Variants in VPS13D observed in about 807,000 individuals in gnomAD.
VPS13D encodes the protein intermembrane lipid transfer protein VPS13D.
VPS13D carries 187 observed loss-of-function variants against 461.9 expected under a neutral mutation model. That is an observed-to-expected ratio of 0.40 (90% confidence interval 0.36 to 0.46). VPS13D has a LOEUF of 0.46. Among genes scored for constraint, VPS13D ranks in the 20% least tolerant of loss-of-function variants. The pLI is 0.60. For missense variants in VPS13D, 4,711 were observed against 5,364.9 expected (o/e 0.88, Z 3.81); for synonymous variants, 1,951 against 1,986.3 (o/e 0.98, Z 0.47).
At chr1:12,385,464 A>T in intron 59 of VPS13D, 91 bp downstream of exon 59, 1 of 1,007,386 alleles carries the variant, frequency 9.9e-7, no homozygotes, top group Non-Finnish European at 1.5e-6. Context: ...TTTTCTTTCT[A>T]TCCTGTATGA....
Position 12,345,387 on chromosome 1 carries a change from C to T in VPS13D, c.8899C>T (p.Leu2967Phe). 6.2e-7 allele frequency: 1 copy of T among 1,612,680 alleles called. No individual in the cohort carries two copies. Among genetic ancestry groups the T allele is most frequent in the South Asian group, 1.1e-5 (1 of 91,000 alleles). ...GKLRHRHTHD[L>F]RIHQLQVRVN... The stretch of plus-strand genomic sequence containing the variant: ...TCTGCCTGACAGACACACCCATGAC[C>T]TCCGGATTCATCAACTGCAAGTGAG... The change falls in exon 43 of 70, where the codon CTC (leucine) becomes TTC (phenylalanine). Residue 2967 changes from leucine (L) to phenylalanine (F), a missense_variant. By Grantham distance (22) the Leu-to-Phe change is conservative. Transcript: ENST00000620676.
chr1:12,463,629 C>T (rs1297197612), intron 67 of VPS13D, among the ~76,000 whole-genome samples: 2 of 151,654 alleles, frequency 1.3e-5, no homozygotes, highest in African/African-American at 2.4e-5. Context: ...GTGGTGTGCA[C>T]CTCTGGTCCT....
chr1:12,353,110 T>A (rs576431781), intron 46 of VPS13D, among the ~76,000 whole-genome samples: 1 of 151,574 alleles, frequency 6.6e-6, no homozygotes, highest in African/African-American at 2.4e-5. Context: ...ACCAATTGGC[T>A]ATCAAGAGGA....
intron 7 of VPS13D, among the ~76,000 whole-genome samples, chr1:12,254,288 G>A (rs762728566): frequency 1.6e-4 from 25 of 152,018 alleles, no homozygotes; most frequent in Non-Finnish European, 3.4e-4. Flanking sequence ...CAATCCTCCT[G>A]CTTTGGCCTC....
At chr1:12,381,919 T>TTCTTC in intron 57 of VPS13D, among the ~76,000 whole-genome samples, 1 of 88,768 alleles carries the variant, frequency 1.1e-5, no homozygotes. Context: ...TTTCTTTCTT[T>TTCTTC]TCTTTTCTTT....
intron 58 of VPS13D, 80 bp from the exon 59 acceptor site, chr1:12,385,180 C>A: frequency 1.8e-6 from 2 of 1,118,326 alleles, no homozygotes; most frequent in Non-Finnish European, 2.7e-6. Context: ...GACTTTTGAC[C>A]TACACAGTTG....
In VPS13D at chr1:12,233,146, C is replaced by T. The variant is rs138722126; in HGVS notation, c.-76-1045C>T. Among the ~76,000 whole-genome samples, 362 of 152,170 alleles carry T rather than the reference C, an allele frequency of 2.4e-3. 1 individual carries two copies. The highest frequency in any genetic ancestry group is 8.5e-3 in the African/African-American group (354 of 41,516). Reference sequence around the variant, plus strand: ...TCAGCCTCCCGAGTAGCTGGGATTACAGGTGCCTGCCACCATGCCTGGCTA... The same window carrying T: ...TCAGCCTCCCGAGTAGCTGGGATTATAGGTGCCTGCCACCATGCCTGGCTA... On this transcript the variant is annotated intron_variant, in intron 1 of 69. Transcript: ENST00000620676.
chr1:12,493,254 C>T (rs755057268), intron 67 of VPS13D, among the ~76,000 whole-genome samples: 5 of 150,900 alleles, frequency 3.3e-5, no homozygotes, highest in Non-Finnish European at 5.9e-5. Context: ...TTTGGGAGGC[C>T]GAGGCGGGTG....
At chr1:12,394,131 G>A (rs543057201) in intron 60 of VPS13D, among the ~76,000 whole-genome samples, 4 of 152,180 alleles carry the variant, frequency 2.6e-5, no homozygotes, top group Admixed American at 2.0e-4. Context: ...GCAATGTAGT[G>A]GGGTCCTTCC....
At chr1:12,486,272 C>T (rs1037658122) in intron 67 of VPS13D, among the ~76,000 whole-genome samples, 1 of 152,130 alleles carries the variant, frequency 6.6e-6, no homozygotes, top group Non-Finnish European at 1.5e-5. Flanking sequence ...ACCAGCTGGT[C>T]GGGAGGAAGA....
chr1:12,301,504 G>T (rs12568198), intron 25 of VPS13D, among the ~76,000 whole-genome samples: 2 of 152,170 alleles, frequency 1.3e-5, no homozygotes, highest in African/African-American at 4.8e-5. Flanking sequence ...GCGAGACCCC[G>T]CAGCGTCCCG....
rs550639080 is a variant in VPS13D, at chr1:12,456,078, T to C, written c.12414T>C (p.His4138=). The C allele has an allele frequency of 8.7e-6, 14 of 1,613,882 alleles. No homozygotes were observed. The highest frequency in any genetic ancestry group is 1.7e-5 in the Admixed American group (1 of 59,984). ...CAGAGCGGGAGTACATCAGGTACCA[T>C]GCAGCCACAAGTGGTGAACACCTTG... ...HQSEREYIRY[H]AATSGEHLVA... The change falls in exon 66 of 70, where the codon CAT becomes CAC. Residue 4138 remains histidine, a synonymous_variant. Transcript: ENST00000620676.
At chr1:12,374,563 T>C (rs79287885) in intron 55 of VPS13D, among the ~76,000 whole-genome samples, 5 of 152,206 alleles carry the variant, frequency 3.3e-5, no homozygotes, top group African/African-American at 1.2e-4. Context: ...GCTACTCTTT[T>C]TCTTTTTATA....
chr1:12,282,300 A>G (rs749008318), intron 20 of VPS13D, among the ~76,000 whole-genome samples: 4 of 152,200 alleles, frequency 2.6e-5, no homozygotes, highest in Non-Finnish European at 4.4e-5. Context: ...AGTACTAAAC[A>G]TTGGCTGTTA....
intron 5 of VPS13D, among the ~76,000 whole-genome samples, chr1:12,248,429 A>C (rs1375148183): frequency 1.3e-5 from 2 of 151,758 alleles, no homozygotes; most frequent in Non-Finnish European, 2.9e-5. Context: ...TGCAGCCTCC[A>C]TCTCATGGGC....
At chr1:12,508,635 G>A (rs1482215700) in intron 69 of VPS13D, among the ~76,000 whole-genome samples, 8 of 151,856 alleles carry the variant, frequency 5.3e-5, no homozygotes, top group South Asian at 2.1e-4. Flanking sequence ...GCTTGAACCC[G>A]GGAGGCGGAG....
Position 12,510,701 on chromosome 1 carries a change from C to T in VPS13D, c.*1677C>T, listed in dbSNP as rs1646171930. 6.6e-6 allele frequency: 1 copy of T among 152,296 alleles called. No individual in the cohort carries two copies. The highest frequency in any genetic ancestry group is 6.5e-5 in the Admixed American group (1 of 15,286). 9.4% of individuals were successfully genotyped at this position (152,296 alleles called of 1,614,324 possible). A position where few individuals can be genotyped will look rare whatever the true frequency, so the allele number is the denominator to read the frequency against. On this transcript the variant is annotated 3_prime_UTR_variant, in exon 70 of 70. Coordinates refer to ENST00000620676, the MANE Select transcript of VPS13D (RefSeq NM_015378.4). ...AGTGGATTGCAGAATGGAAACTTGGCTTTTGCGGCACTGGGTGAGTTTTAG... is the reference window on the plus strand; with the variant it reads ...AGTGGATTGCAGAATGGAAACTTGGTTTTTGCGGCACTGGGTGAGTTTTAG...
chr1:12,282,342 A>G (rs1443306304), intron 20 of VPS13D, among the ~76,000 whole-genome samples: 2 of 152,262 alleles, frequency 1.3e-5, no homozygotes, highest in Non-Finnish European at 2.9e-5. Flanking sequence ...CAGTTTTAGA[A>G]CCATGAACCT....
chr1:12,472,204 A>G (rs1406480877), intron 67 of VPS13D, among the ~76,000 whole-genome samples: 2 of 152,134 alleles, frequency 1.3e-5, no homozygotes, highest in Non-Finnish European at 2.9e-5. Context: ...ATTCTTGACT[A>G]TCTGTTCTAC....
Sources: allele counts gnomAD v4.1 joint callset (sites outside exome capture counted in the v4.1 genomes callset), GRCh38; gene constraint gnomAD v4.1.1; transcripts MANE v1.5; gene names NCBI Gene and HGNC (gene_info 2026-07-23, HGNC 2026-07-21).